BICD1: variants seen among roughly 807,000 people sequenced by gnomAD.
BICD1 encodes the protein BICD cargo adaptor 1.
BICD1 carries 35 observed loss-of-function variants against 92.5 expected under a neutral mutation model. The ratio of observed to expected loss-of-function variants is 0.38; its 90% CI spans 0.29 to 0.50. The LOEUF (loss-of-function observed/expected upper bound fraction) is 0.50, where lower values mean the gene tolerates loss of function less well. Among genes scored for constraint, BICD1 ranks in the 20% least tolerant of loss-of-function variants. The probability of loss-of-function intolerance (pLI) is 0.93; values close to 1 mark genes in which losing one functional copy is unlikely to be tolerated. For missense variants in BICD1, 950 were observed against 1,189.8 expected, an observed-to-expected ratio of 0.80 and a Z score of 2.97; for synonymous variants, 429 against 465.1, an observed-to-expected ratio of 0.92 and a Z score of 1.00.
chr12:32,205,060 TTAA>T (rs1945009195), intron 1 of BICD1, among the ~76,000 whole-genome samples: 1 of 152,234 alleles, frequency 6.6e-6, no homozygotes, highest in African/African-American at 2.4e-5. Context: ...ACACATTCCA[TTAA>T]TAAGTAATTG....
chr12:32,241,833 T>G (rs1047261605), intron 2 of BICD1, among the ~76,000 whole-genome samples: 1 of 152,122 alleles, frequency 6.6e-6, no homozygotes, highest in African/African-American at 2.4e-5. Context: ...CACCTGAATT[T>G]TTTTTTAAAC....
intron 1 of BICD1, among the ~76,000 whole-genome samples, chr12:32,142,031 G>A (rs750390063): frequency 3.3e-5 from 5 of 152,114 alleles, no homozygotes; most frequent in Admixed American, 6.5e-5. Flanking sequence ...AAACAGGAGA[G>A]AGCGGATTCT....
chr12:32,358,846 T>C (rs1939218551), intron 8 of BICD1, among the ~76,000 whole-genome samples: 1 of 152,236 alleles, frequency 6.6e-6, no homozygotes, highest in African/African-American at 2.4e-5. Context: ...AGCTTTTGCA[T>C]GCAAATTGTC....
chr12:32,178,249 A>G lies in BICD1; in HGVS notation c.214-37998A>G, dbSNP rs115860506. The stretch of plus-strand genomic sequence containing the variant: ...TCAGAATAATTCTGACTCATTCATA[A>G]CATGAAGAGATCACCGTTGAACACA... On this transcript the variant is annotated intron_variant, in intron 1 of 9. Transcript: ENST00000652176. Among the ~76,000 whole-genome samples the G allele has an allele frequency of 4.3e-3, 654 of 152,138 alleles. 7 individuals are homozygous for G. The highest frequency in any genetic ancestry group is 0.015 in the African/African-American group (622 of 41,560).
intron 8 of BICD1, chr12:32,339,788 C>T: frequency 1.0e-6 from 1 of 985,090 alleles, no homozygotes; most frequent in African/African-American, 1.7e-5. Flanking sequence ...TTGACTATTG[C>T]CAGAAAATAA....
At chr12:32,154,953 C>G (rs1275345753) in intron 1 of BICD1, among the ~76,000 whole-genome samples, 2 of 152,092 alleles carry the variant, frequency 1.3e-5, no homozygotes, top group Non-Finnish European at 2.9e-5. Context: ...AAACATTTTA[C>G]CCCACATTGT....
intron 8 of BICD1, among the ~76,000 whole-genome samples, chr12:32,347,762 T>C (rs1275774439): frequency 6.6e-6 from 1 of 152,194 alleles, no homozygotes; most frequent in East Asian, 1.9e-4. Context: ...AACATATTCC[T>C]TAAACATTCT....
intron 1 of BICD1, among the ~76,000 whole-genome samples, chr12:32,132,559 A>G (rs1166815567): frequency 1.3e-5 from 2 of 152,122 alleles, no homozygotes; most frequent in Admixed American, 1.3e-4. Flanking sequence ...CGGGACGGTT[A>G]GCATCCCTAG....
intron 2 of BICD1, among the ~76,000 whole-genome samples, chr12:32,259,901 AAC>A (rs1946811260): frequency 6.6e-6 from 1 of 152,008 alleles, no homozygotes; most frequent in Admixed American, 6.6e-5. Flanking sequence ...GGCTGTTGTC[AAC>A]ACATATATAT....
At chr12:32,184,306 G>T (rs1944366265) in intron 1 of BICD1, among the ~76,000 whole-genome samples, 1 of 151,998 alleles carries the variant, frequency 6.6e-6, no homozygotes, top group African/African-American at 2.4e-5. Context: ...TTTCTTTTTT[G>T]AGATGGAATC....
At chr12:32,141,538 A>G (rs7305973) in intron 1 of BICD1, among the ~76,000 whole-genome samples, 2 of 151,936 alleles carry the variant, frequency 1.3e-5, no homozygotes, top group African/African-American at 4.8e-5. Flanking sequence ...CAGTGGTGCA[A>G]TCTCGGCTCA....
intron 1 of BICD1, among the ~76,000 whole-genome samples, chr12:32,131,979 G>T (rs530699997): frequency 8.3e-4 from 127 of 152,300 alleles, no homozygotes; most frequent in Non-Finnish European, 1.5e-3. Context: ...GGCTATTTGA[G>T]AAATGAGGGC....
chr12:32,246,345 AAAAC>A (rs1276703130), intron 2 of BICD1, among the ~76,000 whole-genome samples: 5 of 151,330 alleles, frequency 3.3e-5, no homozygotes, highest in Admixed American at 3.3e-4. Context: ...TAAAAAAAGA[AAAAC>A]AAAAGAGGCC....
intron 1 of BICD1, among the ~76,000 whole-genome samples, chr12:32,212,971 A>G (rs768617642): frequency 1.6e-4 from 25 of 152,216 alleles, no homozygotes; most frequent in Non-Finnish European, 3.1e-4. Flanking sequence ...AAGTTGCCCC[A>G]AAATACTACA....
intron 1 of BICD1, among the ~76,000 whole-genome samples, chr12:32,147,034 A>G (rs1943134693): frequency 6.6e-6 from 1 of 151,486 alleles, no homozygotes; most frequent in African/African-American, 2.4e-5. Flanking sequence ...CGACCTCCCC[A>G]GGCTTAGGTG....
At chr12:32,344,254 G>C (rs1312427755) in intron 8 of BICD1, among the ~76,000 whole-genome samples, 1 of 152,158 alleles carries the variant, frequency 6.6e-6, no homozygotes, top group Non-Finnish European at 1.5e-5. Context: ...GGTATGGGTC[G>C]TAAGAAGAAC....
At chr12:32,131,537 G>A (rs767706743) in intron 1 of BICD1, among the ~76,000 whole-genome samples, 2 of 152,160 alleles carry the variant, frequency 1.3e-5, no homozygotes, top group African/African-American at 2.4e-5. Context: ...TGAAACAGTT[G>A]CATGGTGATT....
intron 1 of BICD1, among the ~76,000 whole-genome samples, chr12:32,203,889 T>C (rs754385882): frequency 6.6e-6 from 1 of 152,218 alleles, no homozygotes; most frequent in Non-Finnish European, 1.5e-5. Flanking sequence ...ACCTGTCTTT[T>C]AGAATGTGGG....
intron 2 of BICD1, among the ~76,000 whole-genome samples, chr12:32,253,129 C>T (rs185087151): frequency 5.1e-4 from 78 of 152,244 alleles, no homozygotes; most frequent in Non-Finnish European, 2.1e-4. Context: ...GCAGTCGGCC[C>T]GCCTTGGCCT....
Sources: allele counts gnomAD v4.1 joint callset (sites outside exome capture counted in the v4.1 genomes callset), GRCh38; gene constraint gnomAD v4.1.1; transcripts MANE v1.5; gene names NCBI Gene and HGNC (gene_info 2026-07-23, HGNC 2026-07-21).